The following RPRD1A variants were observed in gnomAD, a reference collection of about 807,000 sequenced individuals.
RPRD1A encodes regulation of nuclear pre-mRNA domain-containing protein 1A.
Under a neutral mutation model 37.8 loss-of-function variants are expected in RPRD1A, and 9 were observed. The observed-to-expected ratio is 0.24, with a 90% CI of 0.14 to 0.42. The LOEUF (loss-of-function observed/expected upper bound fraction) is 0.42, where lower values mean the gene tolerates loss of function less well. Among genes scored for constraint, RPRD1A ranks in the 10% least tolerant of loss-of-function variants. The probability of loss-of-function intolerance (pLI) is 1.00; values close to 1 mark genes in which losing one functional copy is unlikely to be tolerated. For synonymous variants in RPRD1A, 138 were observed against 139.7 expected (o/e 0.99, Z 0.08); for missense variants, 255 against 371.0 (o/e 0.69, Z 2.57).
chr18:36,019,098 A>G (rs2144238512), intron 6 of RPRD1A, among the ~76,000 whole-genome samples: 1 of 145,918 alleles, frequency 6.9e-6, no homozygotes, highest in South Asian at 2.2e-4. Context: ...AATGGGGACC[A>G]TTGATTTTTT....
chr18:36,014,952 T>C (rs773019417), intron 6 of RPRD1A, among the ~76,000 whole-genome samples: 34 of 152,046 alleles, frequency 2.2e-4, no homozygotes, highest in Non-Finnish European at 3.2e-4. Context: ...CACCAAATGT[T>C]GGTGAGGATG....
At chr18:36,045,767 A>G (rs1006515806) in intron 1 of RPRD1A, among the ~76,000 whole-genome samples, 6 of 152,226 alleles carry the variant, frequency 3.9e-5, no homozygotes, top group African/African-American at 1.4e-4. Context: ...CACAACCAAC[A>G]ATCAATAAAA....
At chr18:36,026,358 A>C (rs1911366993) in intron 6 of RPRD1A, 1 of 152,366 alleles carries the variant, frequency 6.6e-6, no homozygotes, top group African/African-American at 2.4e-5. Flanking sequence ...TTTTAAAATC[A>C]CCTCCTGTAC....
At chr18:36,016,284 A>G (rs991928765) in intron 6 of RPRD1A, among the ~76,000 whole-genome samples, 3 of 152,068 alleles carry the variant, frequency 2.0e-5, no homozygotes, top group African/African-American at 7.2e-5. Context: ...GTGCAATGGC[A>G]CAATCTTGGC....
chr18:36,049,624 T>C (rs1325277933), intron 1 of RPRD1A, among the ~76,000 whole-genome samples: 2 of 152,258 alleles, frequency 1.3e-5, no homozygotes, highest in Non-Finnish European at 2.9e-5. Flanking sequence ...TACATCTGTG[T>C]TGTAGCATGT....
At chr18:35,994,890 T>C (rs1435962625) in intron 6 of RPRD1A, among the ~76,000 whole-genome samples, 1 of 152,204 alleles carries the variant, frequency 6.6e-6, no homozygotes, top group Non-Finnish European at 1.5e-5. Flanking sequence ...AATATACATA[T>C]AATGAATCTA....
At chr18:36,050,080 G>A (rs1196893065) in intron 1 of RPRD1A, among the ~76,000 whole-genome samples, 1 of 152,068 alleles carries the variant, frequency 6.6e-6, no homozygotes, top group East Asian at 1.9e-4. Flanking sequence ...GTTGTTGGGG[G>A]AGAAGAAAAT....
chr18:36,015,157 C>CAT (rs1299148760), intron 6 of RPRD1A, among the ~76,000 whole-genome samples: 20 of 91,846 alleles, frequency 2.2e-4, no homozygotes, highest in East Asian at 4.8e-4. Context: ...CACACACACA[C>CAT]ATATATACAC....
At chr18:36,006,757 C>T (rs747968882) in intron 6 of RPRD1A, among the ~76,000 whole-genome samples, 33 of 152,180 alleles carry the variant, frequency 2.2e-4, no homozygotes, top group African/African-American at 6.5e-4. Context: ...GTAACAATGC[C>T]GGAATACAGA....
chr18:36,058,997 A>G (rs1428009020), intron 1 of RPRD1A, among the ~76,000 whole-genome samples: 2 of 152,164 alleles, frequency 1.3e-5, no homozygotes, highest in African/African-American at 4.8e-5. Context: ...AGCAAATATA[A>G]TTGGTTTTCA....
intron 1 of RPRD1A, among the ~76,000 whole-genome samples, chr18:36,038,864 A>AC (rs1435937246): frequency 1.3e-5 from 2 of 151,786 alleles, no homozygotes; most frequent in Non-Finnish European, 2.9e-5. Flanking sequence ...TGGGGCCTAT[A>AC]CCCCTCTTGT....
chr18:36,005,187 G>C (rs953861750), intron 6 of RPRD1A, among the ~76,000 whole-genome samples: 4 of 152,124 alleles, frequency 2.6e-5, no homozygotes, highest in African/African-American at 4.8e-5. Flanking sequence ...TGTAGTCCCA[G>C]CTACTCCAGA....
rs190351269 is a variant in RPRD1A, at chr18:36,042,736, T to C, written c.152-8899A>G. ...TTAAAGAATTAAAACCAACTACCAT[T>C]TTCAACCTACTAGAGTGACCAAGAC... On this transcript the variant is annotated intron_variant, in intron 1 of 6. Transcript: ENST00000399022. Among the ~76,000 whole-genome samples, 652 of 152,250 alleles carry C rather than the reference T, an allele frequency of 4.3e-3. 2 individuals are homozygous for C. The highest frequency in any genetic ancestry group is 0.015 in the South Asian group (72 of 4,814).
intron 6 of RPRD1A, among the ~76,000 whole-genome samples, chr18:36,014,926 C>T (rs894307943): frequency 8.6e-5 from 13 of 151,980 alleles, no homozygotes; most frequent in African/African-American, 2.4e-4. Flanking sequence ...TAGCTACTAT[C>T]AACAAAGACA....
rs1351586852 is a variant in RPRD1A at position 36,039,508 on chromosome 18, GACTT to G, written c.152-5675_152-5672del. ...CCAGACTATTAAACAATATGAAACA[GACTT>G]ACTCAGTGAAAGGATTAAAATGTCA... On this transcript the variant is annotated intron_variant, in intron 1 of 6. Coordinates refer to ENST00000399022, the MANE Select transcript of RPRD1A (RefSeq NM_018170.5). 2.6e-5 allele frequency among the ~76,000 whole-genome samples: 4 copies of G among 152,264 alleles called. No homozygotes were observed. In the South Asian group the frequency reaches 6.2e-4, roughly 24 times the overall value.
chr18:35,996,374 A>G (rs1909057330), intron 6 of RPRD1A, among the ~76,000 whole-genome samples: 1 of 152,206 alleles, frequency 6.6e-6, no homozygotes, highest in Non-Finnish European at 1.5e-5. Context: ...CACAGGCATC[A>G]TTATTCCCGT....
intron 1 of RPRD1A, among the ~76,000 whole-genome samples, chr18:36,044,095 C>T (rs1912788020): frequency 6.6e-6 from 1 of 152,082 alleles, no homozygotes; most frequent in South Asian, 2.1e-4. Flanking sequence ...GAGGTGTTTT[C>T]ATCAAAAAGG....
At chr18:35,999,242 T>C (rs989244043) in intron 6 of RPRD1A, among the ~76,000 whole-genome samples, 47 of 152,336 alleles carry the variant, frequency 3.1e-4, no homozygotes, top group African/African-American at 1.1e-3. Context: ...AAGTCAGATC[T>C]GGATGGAGTA....
At chr18:36,062,369 T>C (rs1252274248) in intron 1 of RPRD1A, among the ~76,000 whole-genome samples, 3 of 82,638 alleles carry the variant, frequency 3.6e-5, no homozygotes. Flanking sequence ...CTGTGGAAAA[T>C]AGCCTGGTGG....
Sources: gnomAD v4.1 joint callset for allele counts (sites outside exome capture counted in the v4.1 genomes callset) on GRCh38, gnomAD v4.1.1 for gene constraint, MANE v1.5 for transcripts, NCBI Gene and HGNC (gene_info 2026-07-23, HGNC 2026-07-21) for gene names.